Variants in COL4A5 observed in about 807,000 individuals in gnomAD.
COL4A5 encodes collagen type IV alpha 5 chain.
COL4A5 carries 26 observed loss-of-function variants against 130.2 expected under a neutral mutation model. The ratio of observed to expected loss-of-function variants is 0.20; its 90% CI spans 0.15 to 0.28. COL4A5 has a LOEUF of 0.28. COL4A5 is among the 10% of genes least tolerant of loss of function. COL4A5 has a pLI of 1.00. For missense variants in COL4A5, 1,131 were observed against 1,344.3 expected (o/e 0.84, Z 2.48); for synonymous variants, 496 against 439.6 (o/e 1.13, Z -1.60).
chrX:108,531,390 T>TAAA (rs1262824115), intron 1 of COL4A5, among the ~76,000 whole-genome samples: 1 of 23,204 alleles, frequency 4.3e-5, no homozygotes, highest in African/African-American at 1.7e-4. Context: ...AAAAATAAAA[T>TAAA]AAATAAATAA....
At chrX:108,545,104 CTCTT>C (rs2065624157) in intron 2 of COL4A5, among the ~76,000 whole-genome samples, 1 of 111,717 alleles carries the variant, frequency 9.0e-6, no homozygotes, top group African/African-American at 3.3e-5. Context: ...GTGTCTCTAT[CTCTT>C]TCAGTTCTGC....
At chrX:108,695,126 G>T in intron 51 of COL4A5, 141 bp from the exon 52 acceptor site, 1 of 797,865 alleles carries the variant, frequency 1.3e-6, no homozygotes, top group Non-Finnish European at 1.9e-6. Flanking sequence ...GACTACCCTT[G>T]GTGTGGATAC....
At chrX:108,598,900 G>T in intron 25 of COL4A5, 30 bp downstream of exon 25, 1 of 1,201,839 alleles carries the variant, frequency 8.3e-7, no homozygotes, top group Non-Finnish European at 1.1e-6. Flanking sequence ...TTTTAAACTT[G>T]GTGCTTAAAA....
At chrX:108,672,666 A>G (rs1320075027) in intron 42 of COL4A5, among the ~76,000 whole-genome samples, 1 of 112,168 alleles carries the variant, frequency 8.9e-6, no homozygotes, top group Non-Finnish European at 1.9e-5. Context: ...CATATAGCTC[A>G]TTAAAATGTT....
intron 1 of COL4A5, among the ~76,000 whole-genome samples, chrX:108,444,443 A>G (rs907045875): frequency 9.1e-6 from 1 of 110,261 alleles, no homozygotes; most frequent in Admixed American, 9.6e-5. Context: ...ATGGTCTCGA[A>G]CTCCTGACCT....
intron 2 of COL4A5, among the ~76,000 whole-genome samples, chrX:108,554,457 A>G (rs970237381): frequency 9.0e-6 from 1 of 111,577 alleles, no homozygotes; most frequent in African/African-American, 3.3e-5. Context: ...TGATCCAGTC[A>G]TCTCACACCA....
At chrX:108,563,969 A>G (rs754318450) in intron 4 of COL4A5, 43 bp downstream of exon 4, 2 of 1,052,722 alleles carry the variant, frequency 1.9e-6, no homozygotes, top group South Asian at 1.9e-5. Context: ...GTTGGTGGAA[A>G]CAGATAGAGA....
chrX:108,624,470 G>A, intron 34 of COL4A5, 136 bp downstream of exon 34: 1 of 570,314 alleles, frequency 1.8e-6, no homozygotes, highest in Non-Finnish European at 3.0e-6. Context: ...GAAATATGGA[G>A]CTCACTTTCG....
At chrX:108,572,743 C>T (rs767479002) in intron 8 of COL4A5, among the ~76,000 whole-genome samples, 14 of 111,688 alleles carry the variant, frequency 1.3e-4, no homozygotes, top group Non-Finnish European at 2.5e-4. Context: ...TACAAAGCAA[C>T]CAAGAATGAC....
chrX:108,566,238 CTT>C (rs78147157), intron 4 of COL4A5, among the ~76,000 whole-genome samples: 1 of 102,713 alleles, frequency 9.7e-6, no homozygotes, highest in Non-Finnish European at 2.0e-5. Flanking sequence ...AATTCTTCAA[CTT>C]TTTTTTTTTT....
chrX:108,668,244 A>G, intron 40 of COL4A5, 75 bp from the exon 41 acceptor site: 1 of 990,499 alleles, frequency 1.0e-6, no homozygotes, highest in South Asian at 1.9e-5. Flanking sequence ...GCCCTAATGT[A>G]TGTGAATAGC....
intron 2 of COL4A5, among the ~76,000 whole-genome samples, chrX:108,547,122 C>G (rs2065671169): frequency 8.9e-6 from 1 of 112,536 alleles, no homozygotes; most frequent in East Asian, 2.8e-4. Context: ...CAAAGTCATT[C>G]TCCTTCCAGC....
intron 37 of COL4A5, among the ~76,000 whole-genome samples, chrX:108,659,651 C>T (rs1275604829): frequency 1.8e-5 from 2 of 110,420 alleles, no homozygotes; most frequent in Non-Finnish European, 3.8e-5. Context: ...TAAAGACCCT[C>T]TTTATTTTCA....
chrX:108,675,422 GTTTA>G (rs1309747401), intron 43 of COL4A5, among the ~76,000 whole-genome samples: 2 of 111,503 alleles, frequency 1.8e-5, no homozygotes, highest in Admixed American at 1.9e-4. Context: ...TTGATTCACA[GTTTA>G]TTTATTTTTC....
intron 1 of COL4A5, among the ~76,000 whole-genome samples, chrX:108,449,734 A>G (rs1204368256): frequency 1.9e-5 from 2 of 107,494 alleles, no homozygotes; most frequent in Non-Finnish European, 3.8e-5. Flanking sequence ...GTGACCTCAC[A>G]TGGTGAAAGG....
At chrX:108,633,528 G>C (rs983933866) in intron 36 of COL4A5, among the ~76,000 whole-genome samples, 11 of 110,407 alleles carry the variant, frequency 1.0e-4, no homozygotes, top group African/African-American at 3.6e-4. Context: ...ATTTGTTCAT[G>C]AATTTTTTTT....
chrX:108,689,657 A>G (rs2068613496), intron 49 of COL4A5: 6 of 754,430 alleles, frequency 8.0e-6, no homozygotes, highest in Non-Finnish European at 9.4e-6. Flanking sequence ...CTAAGCAAAG[A>G]TACAGGCAGC....
Position 108,598,953 on chromosome X carries a change from C to T in COL4A5, c.1948+83C>T, listed in dbSNP as rs948392396. ...TTTGGCTACTCATGGCTTCCTTTCC[C>T]GAGAGGTGTGTTTCCCTGGCCGTTT... On this transcript the variant is annotated intron_variant, in intron 25 of 52. Transcript: ENST00000328300. 50 of 991,900 alleles carry T rather than the reference C, an allele frequency of 5.0e-5. No individual in the cohort carries two copies. The Admixed American group carries it at 6.3e-4, about 12-fold the overall frequency. The allele number at this position is 991,900 out of a possible 1,213,427, so 81.7% of individuals were successfully genotyped here. A position where few individuals can be genotyped will look rare whatever the true frequency, so the allele number is the denominator to read the frequency against.
At position 108,597,361 on chromosome X, in the gene COL4A5, T is replaced by C. The variant is rs756102411; in HGVS notation, c.1588-16T>C. On this transcript the variant is annotated splice_polypyrimidine_tract_variant and intron_variant, in intron 23 of 52. Coordinates refer to ENST00000328300, the MANE Select transcript of COL4A5 (RefSeq NM_033380.3). The stretch of plus-strand genomic sequence containing the variant: ...CTTTTTCCACTCTTTTTTCTTTTTT[T>C]CCTTACTCATTTCAGGGCATTCCAG... The C allele has an allele frequency of 3.3e-6, 4 of 1,201,093 alleles. No individual in the cohort carries two copies. Among genetic ancestry groups the C allele is most frequent in the South Asian group, 3.5e-5 (2 of 56,362 alleles).
Sources: allele counts gnomAD v4.1 joint callset (sites outside exome capture counted in the v4.1 genomes callset), GRCh38; gene constraint gnomAD v4.1.1; transcripts MANE v1.5; gene names NCBI Gene and HGNC (gene_info 2026-07-23, HGNC 2026-07-21).